Variants in SHPK observed in about 807,000 individuals in gnomAD.
SHPK encodes the protein sedoheptulokinase, also known as carbohydrate kinase-like protein.
SHPK carries 51 observed loss-of-function variants against 46.3 expected under a neutral mutation model. The observed-to-expected ratio is 1.10, with a 90% CI of 0.88 to 1.39. The LOEUF is 1.39. SHPK is among the 40% of genes most tolerant of loss of function. SHPK has a pLI of 0.00. For missense variants in SHPK, 668 were observed against 641.3 expected (o/e 1.04, Z -0.45); for synonymous variants, 290 against 273.9 (o/e 1.06, Z -0.58).
rs748985570 is a variant in SHPK, at chr17:3,610,645, G to A, written c.1352C>T (p.Pro451Leu). 20 of 1,613,838 alleles carry A rather than the reference G, an allele frequency of 1.2e-5. No homozygotes were observed. The Admixed American group carries it at 3.2e-4, about 26-fold the overall frequency. ...ATCCACATCCTGCCCAAAGGACATG[G>A]GCAAAGGGAAAGCCCTCTGCACCTC... is the stretch of plus-strand genomic sequence containing the variant. ...KQEVQRAFPL[P>L]MSFGQDVDAA... The change falls in exon 7 of 7, where the codon CCC becomes CTC. Residue 451 changes from proline to leucine, a missense_variant. Pro to Leu is a moderately conservative substitution (Grantham distance 98, BLOSUM62 -3). Transcript: ENST00000225519.
chr17:3,611,615 C>T (rs947560026), intron 6 of SHPK, among the ~76,000 whole-genome samples: 2 of 151,906 alleles, frequency 1.3e-5, no homozygotes, highest in Admixed American at 6.6e-5. Flanking sequence ...TCATTGGGGT[C>T]GTTAGCAGCA....
At position 3,615,447 on chromosome 17, in the gene SHPK, G is replaced by T. The variant is rs751001026; in HGVS notation, c.914C>A (p.Ala305Asp). ...AQTPDPTAPV[A>D]YFPYFNRTYL... ...GGTCCTGTTGAAGTATGGGAAGTAG[G>T]CGACTGGGGCCGTAGGGTCTGGAGT... Residue 305 changes from alanine (A) to aspartate (D), a missense_variant, in exon 6 of 7, where the codon GCC becomes GAC. By Grantham distance (126) the Ala-to-Asp change is moderately radical. Coordinates refer to ENST00000225519, the MANE Select transcript of SHPK (RefSeq NM_013276.4). The T allele has an allele frequency of 6.2e-7, 1 of 1,614,072 alleles. No homozygotes were observed.
At chr17:3,620,447 T>A (rs1195583160) in intron 5 of SHPK, among the ~76,000 whole-genome samples, 2 of 151,602 alleles carry the variant, frequency 1.3e-5, no homozygotes, top group African/African-American at 4.8e-5. Context: ...TTTTTTTTTT[T>A]AATACAGATG....
chr17:3,625,899 A>G (rs966943173), intron 2 of SHPK, among the ~76,000 whole-genome samples: 14 of 152,086 alleles, frequency 9.2e-5, no homozygotes, highest in Admixed American at 7.2e-4. Context: ...CAAAAAATAC[A>G]AAAATTAGCC....
intron 5 of SHPK, among the ~76,000 whole-genome samples, chr17:3,616,589 A>G (rs1224366436): frequency 6.6e-6 from 1 of 152,184 alleles, no homozygotes; most frequent in Non-Finnish European, 1.5e-5. Flanking sequence ...TTAGGCTACT[A>G]TGTATTAGGG....
intron 1 of SHPK, among the ~76,000 whole-genome samples, chr17:3,635,193 TGAAG>T (rs1555555958): frequency 3.8e-4 from 23 of 60,562 alleles, no homozygotes; most frequent in African/African-American, 1.7e-3. Flanking sequence ...AAGGAAAGAA[TGAAG>T]GAAGGAAGGA....
Position 3,609,769 on chromosome 17 carries a change from C to A in SHPK, c.*791G>T, listed in dbSNP as rs1225539387. 6.6e-6 allele frequency: 1 copy of A among 152,418 alleles called. No individual in the cohort carries two copies. The highest frequency in any genetic ancestry group is 1.5e-5 in the Non-Finnish European group (1 of 68,094). The allele number at this position is 152,418 out of a possible 1,614,324, so 9.4% of individuals were successfully genotyped here. A position where few individuals can be genotyped will look rare whatever the true frequency, so the allele number is the denominator to read the frequency against. On this transcript the variant is annotated 3_prime_UTR_variant, in exon 7 of 7. Transcript: ENST00000225519. Reference sequence around the variant, plus strand: ...TCCTGGCAAGGGGTCCTGCTGGTGCCTTGTCAGGTTCTGGAGTGGTGTGAG... The same window carrying A: ...TCCTGGCAAGGGGTCCTGCTGGTGCATTGTCAGGTTCTGGAGTGGTGTGAG...
chr17:3,626,982 C>G (rs2075442408), intron 2 of SHPK, among the ~76,000 whole-genome samples: 1 of 152,214 alleles, frequency 6.6e-6, no homozygotes, highest in African/African-American at 2.4e-5. Flanking sequence ...TTCTTACCAT[C>G]CAATGGGTGG....
chr17:3,613,861 C>CA (rs2075356915), intron 6 of SHPK, among the ~76,000 whole-genome samples: 1 of 151,812 alleles, frequency 6.6e-6, no homozygotes, highest in Non-Finnish European at 1.5e-5. Context: ...TGCACAGCGC[C>CA]AAAAAAGGTT....
rs760563153 is a variant in SHPK, at chr17:3,623,426, C to A, written c.560G>T (p.Cys187Phe). 3.4e-5 allele frequency: 55 copies of A among 1,614,038 alleles called. No individual in the cohort carries two copies. The highest frequency in any genetic ancestry group is 4.4e-5 in the Non-Finnish European group (52 of 1,179,962). Residue 187 changes from cysteine to phenylalanine, a missense_variant, in exon 4 of 7, where the codon TGT becomes TTT. Cys to Phe is a radical substitution (Grantham distance 205). Coordinates refer to ENST00000225519, the MANE Select transcript of SHPK (RefSeq NM_013276.4). ...GGACATCAGAGGTCTTGGCAAGCCA[C>A]ACAGCATGGCAACCACATAGTCGTG... ...TIHDYVVAML[C>F]GLPRPLMSDQ... is the part of the protein sequence containing the mutation.
intron 4 of SHPK, chr17:3,622,694 T>C: frequency 7.3e-6 from 3 of 411,798 alleles, no homozygotes; most frequent in Non-Finnish European, 9.5e-6. Flanking sequence ...CTACTATCTC[T>C]AGTTCTTTTT....
intron 4 of SHPK, among the ~76,000 whole-genome samples, chr17:3,622,190 C>T (rs1028057642): frequency 1.3e-5 from 2 of 152,120 alleles, no homozygotes; most frequent in Admixed American, 6.6e-5. Flanking sequence ...CACACATGGC[C>T]GAAGTGGGGA....
chr17:3,618,986 G>A (rs2075384001), intron 5 of SHPK, among the ~76,000 whole-genome samples: 1 of 150,216 alleles, frequency 6.7e-6, no homozygotes, highest in African/African-American at 2.4e-5. Context: ...ACTACCAGCT[G>A]TTTTCCAAAG....
intron 4 of SHPK, among the ~76,000 whole-genome samples, chr17:3,622,060 C>T (rs1045530163): frequency 6.6e-6 from 1 of 152,130 alleles, no homozygotes; most frequent in Non-Finnish European, 1.5e-5. Context: ...AAGCAATTCT[C>T]CCACCTCAGC....
rs149784648 is a variant in SHPK at position 3,610,866 on chromosome 17, G to T, written c.1131C>A (p.His377Gln). 1 of 1,613,940 alleles carries T rather than the reference G, an allele frequency of 6.2e-7. No homozygotes were observed. The highest frequency in any genetic ancestry group is 8.5e-7 in the Non-Finnish European group (1 of 1,180,030). Residue 377 changes from histidine (H) to glutamine (Q), a missense_variant, in exon 7 of 7, where the codon CAC becomes CAA. Transcript: ENST00000225519. ...TCACTGAGGCCAGCTGGTCCGGCAG[G>T]TGCCTCTCCCCCAGCACTGTCGGGG... ...TITPTVLGERHLPDQLASVTR... is the reference protein window; with the variant it reads ...TITPTVLGERQLPDQLASVTR...
chr17:3,621,472 ATCCT>A (rs897844938), intron 4 of SHPK, 60 bp from the exon 5 acceptor site: 35 of 1,500,034 alleles, frequency 2.3e-5, no homozygotes, highest in Non-Finnish European at 2.8e-5. Context: ...AATTTAAGGG[ATCCT>A]TCCTTCCTTC....
At chr17:3,619,742 A>G in intron 5 of SHPK, 1 of 389,966 alleles carries the variant, frequency 2.6e-6, no homozygotes, top group Non-Finnish European at 4.9e-6. Flanking sequence ...CAAAAAAAAA[A>G]AAAAAATTTG....
intron 5 of SHPK, among the ~76,000 whole-genome samples, chr17:3,620,133 C>T (rs991959843): frequency 6.6e-6 from 1 of 152,164 alleles, no homozygotes; most frequent in Non-Finnish European, 1.5e-5. Flanking sequence ...CGGCATGATC[C>T]GCAAAGCCGA....
chr17:3,610,939 C>T lies in SHPK; in HGVS notation c.1058G>A (p.Arg353His), dbSNP rs368249636. ...LEVEESTVYSRMIQAAVQQRD... is the reference protein window; with the variant it reads ...LEVEESTVYSHMIQAAVQQRD... The stretch of plus-strand genomic sequence containing the variant: ...CTGCTGCACAGCTGCCTGAATCATG[C>T]GTGAATACACAGTGGATTCTTCAAC... The change falls in exon 7 of 7, where the codon CGC becomes CAC. Residue 353 changes from arginine to histidine, a missense_variant. Arg to His is a conservative substitution (Grantham distance 29). Coordinates refer to ENST00000225519, the MANE Select transcript of SHPK (RefSeq NM_013276.4). 1.4e-5 allele frequency: 22 copies of T among 1,611,746 alleles called. No individual in the cohort carries two copies. The African/African-American group carries it at 1.5e-4, about 11-fold the overall frequency.
Sources: gnomAD v4.1 joint callset for allele counts (sites outside exome capture counted in the v4.1 genomes callset) on GRCh38, gnomAD v4.1.1 for gene constraint, MANE v1.5 for transcripts, NCBI Gene and HGNC (gene_info 2026-07-23, HGNC 2026-07-21) for gene names.